The following MYH11 variants were observed in gnomAD, a reference collection of about 807,000 sequenced individuals.
The protein encoded by MYH11 is myosin-11.
A neutral mutation model predicts 246.6 loss-of-function variants in MYH11; 80 were observed. That is an observed-to-expected ratio of 0.32 (90% CI 0.27 to 0.39). The LOEUF (loss-of-function observed/expected upper bound fraction) is 0.39, where lower values mean the gene tolerates loss of function less well. Ranked by LOEUF, MYH11 falls within the 10% of genes least tolerant of loss-of-function variation. MYH11 has a pLI of 1.00. For missense variants in MYH11, 2,158 were observed against 2,546.8 expected, an observed-to-expected ratio of 0.85 and a Z score of 3.29; for synonymous variants, 1,071 against 1,015.5, an observed-to-expected ratio of 1.05 and a Z score of -1.04.
intron 15 of MYH11, among the ~76,000 whole-genome samples, chr16:15,751,316 C>A (rs377360749): frequency 3.3e-5 from 5 of 151,908 alleles, no homozygotes; most frequent in Admixed American, 2.6e-4. Context: ...TGCGCCACCA[C>A]GCCCGGCTCA....
At chr16:15,751,442 C>T (rs1191201178) in intron 15 of MYH11, among the ~76,000 whole-genome samples, 3 of 151,576 alleles carry the variant, frequency 2.0e-5, no homozygotes, top group Non-Finnish European at 4.4e-5. Context: ...GGATTACAGG[C>T]GTGAGCTACC....
chr16:15,795,057 A>G (rs766546155), intron 4 of MYH11, among the ~76,000 whole-genome samples: 55 of 152,276 alleles, frequency 3.6e-4, no homozygotes, highest in Non-Finnish European at 5.4e-4. Flanking sequence ...TAATCCCAGC[A>G]CTTTGGGAGG....
At chr16:15,725,103 G>T in intron 28 of MYH11, 111 bp from the exon 29 acceptor site, 1 of 798,588 alleles carries the variant, frequency 1.3e-6, no homozygotes, top group Non-Finnish European at 2.1e-6. Flanking sequence ...TTCACTGATT[G>T]AGAAAATACC....
chr16:15,838,568 C>A (rs2043967754), intron 1 of MYH11, among the ~76,000 whole-genome samples: 1 of 151,738 alleles, frequency 6.6e-6, no homozygotes, highest in Non-Finnish European at 1.5e-5. Context: ...GCTCAGGAGG[C>A]AGGAAGTAGG....
At chr16:15,797,194 A>T (rs2151320509) in intron 4 of MYH11, among the ~76,000 whole-genome samples, 1 of 152,204 alleles carries the variant, frequency 6.6e-6, no homozygotes, top group East Asian at 1.9e-4. Context: ...CCCCAAACTT[A>T]TTAATTGTTT....
At chr16:15,748,448 C>G (rs1199519449) in intron 16 of MYH11, among the ~76,000 whole-genome samples, 1 of 152,170 alleles carries the variant, frequency 6.6e-6, no homozygotes, top group East Asian at 1.9e-4. Context: ...ACCTCGTCTC[C>G]CTCACTTCCT....
intron 9 of MYH11, 41 bp from the exon 10 acceptor site, chr16:15,763,932 A>G: frequency 6.6e-7 from 1 of 1,525,344 alleles, no homozygotes; most frequent in Non-Finnish European, 9.1e-7. Flanking sequence ...ACAAAGGTCA[A>G]TGCCAAGGTA....
intron 5 of MYH11, 143 bp from the exon 6 acceptor site, chr16:15,782,620 T>C (rs969234440): frequency 3.0e-6 from 2 of 670,780 alleles, no homozygotes; most frequent in African/African-American, 3.6e-5. Flanking sequence ...CTGATGCTAA[T>C]GTTCAGATTT....
chr16:15,771,533 G>C, intron 9 of MYH11, 36 bp downstream of exon 9: 1 of 1,610,852 alleles, frequency 6.2e-7, no homozygotes, highest in Non-Finnish European at 8.5e-7. Context: ...TGGTATCCAG[G>C]CAAGCTACCC....
intron 2 of MYH11, among the ~76,000 whole-genome samples, chr16:15,833,241 G>T (rs1051516830): frequency 6.6e-6 from 1 of 151,578 alleles, no homozygotes; most frequent in Admixed American, 6.6e-5. Context: ...AGGTTGCAGT[G>T]AGCTGAGATC....
rs370852041 is a variant in MYH11, at chr16:15,729,803, G to A, written c.3652-2749C>T. On this transcript the variant is annotated intron_variant, in intron 27 of 40. Transcript: ENST00000300036. ...TGACCTCAGGTGATCTGCCTGCCTCGGGCTCCCAAAGTGCTGGGATTACAG... is the reference window on the plus strand; with the variant it reads ...TGACCTCAGGTGATCTGCCTGCCTCAGGCTCCCAAAGTGCTGGGATTACAG... Among the ~76,000 whole-genome samples the A allele has an allele frequency of 6.6e-5, 10 of 151,638 alleles. No homozygotes were observed. The South Asian group carries it at 1.9e-3, about 28-fold the overall frequency.
At chr16:15,837,814 C>T (rs778748154) in intron 2 of MYH11, 94 bp downstream of exon 2, 22 of 1,177,526 alleles carry the variant, frequency 1.9e-5, no homozygotes, top group Non-Finnish European at 2.8e-5. Context: ...GGAGTACAGG[C>T]ATGAGCCACT....
intron 4 of MYH11, among the ~76,000 whole-genome samples, chr16:15,789,979 G>A (rs1179972646): frequency 6.6e-6 from 1 of 152,104 alleles, no homozygotes; most frequent in Non-Finnish European, 1.5e-5. Flanking sequence ...TTTCCACCCT[G>A]GCCTTGAACC....
intron 2 of MYH11, among the ~76,000 whole-genome samples, chr16:15,826,979 A>G (rs1223758638): frequency 2.2e-5 from 3 of 135,036 alleles, no homozygotes; most frequent in Non-Finnish European, 4.6e-5. Flanking sequence ...CCTGGGTGAC[A>G]GAGGGAGAAC....
intron 26 of MYH11, 76 bp downstream of exon 26, chr16:15,735,290 G>T: frequency 6.5e-7 from 1 of 1,527,962 alleles, no homozygotes; most frequent in Non-Finnish European, 9.1e-7. Context: ...GATTTGCTTT[G>T]GGTTTGTCCC....
intron 10 of MYH11, 55 bp downstream of exon 10, chr16:15,763,741 T>TGGGGGGGGCCCCCCCCCCCCCCCCC: frequency 1.5e-6 from 1 of 646,862 alleles, no homozygotes; most frequent in Non-Finnish European, 2.9e-6. Context: ...AAATGTCACC[T>TGGGGGGGGCCCCCCCCCCCCCCCCC]CCCCCACCCC....
intron 40 of MYH11, 43 bp downstream of exon 40, chr16:15,714,866 C>T (rs2040028796): frequency 6.2e-7 from 1 of 1,610,906 alleles, no homozygotes. Flanking sequence ...GTGCTTTTCT[C>T]TGGCCTGAGA....
chr16:15,833,542 A>G (rs1304605771), intron 2 of MYH11, among the ~76,000 whole-genome samples: 1 of 152,128 alleles, frequency 6.6e-6, no homozygotes, highest in Admixed American at 6.5e-5. Context: ...GGTCTTCAGC[A>G]GTTTAGGTAG....
At chr16:15,769,833 A>AT (rs988491024) in intron 9 of MYH11, among the ~76,000 whole-genome samples, 107 of 150,818 alleles carry the variant, frequency 7.1e-4, no homozygotes, top group African/African-American at 2.1e-3. Context: ...TTTTCTATTT[A>AT]TTTTTTTTGT....
Sources: allele counts gnomAD v4.1 joint callset (sites outside exome capture counted in the v4.1 genomes callset), GRCh38; gene constraint gnomAD v4.1.1; transcripts MANE v1.5; gene names NCBI Gene and HGNC (gene_info 2026-07-23, HGNC 2026-07-21).